ABCA4: variants seen among roughly 807,000 people sequenced by gnomAD.
ABCA4 encodes retinal-specific phospholipid-transporting ATPase ABCA4.
A neutral mutation model predicts 263.7 loss-of-function variants in ABCA4; 196 were observed. That is an observed-to-expected ratio of 0.74 (90% CI 0.66 to 0.84). ABCA4 has a LOEUF of 0.84. ABCA4 is among the 40% of genes least tolerant of loss of function. The pLI is 0.00. For missense variants in ABCA4, 2,792 were observed against 2,855.1 expected (o/e 0.98, Z 0.50); for synonymous variants, 1,133 against 1,094.2 (o/e 1.04, Z -0.70).
chr1:94,026,845 G>C (rs1660050855), intron 30 of ABCA4, among the ~76,000 whole-genome samples: 1 of 152,088 alleles, frequency 6.6e-6, no homozygotes, highest in Non-Finnish European at 1.5e-5. Flanking sequence ...CACGCCCTCT[G>C]GACTTATTCC....
At chr1:94,001,591 G>T (rs1296071407) in intron 45 of ABCA4, 1 of 632,806 alleles carries the variant, frequency 1.6e-6, no homozygotes, top group Admixed American at 2.1e-5. Flanking sequence ...GAACTTCCCG[G>T]CTGTGAGCCG....
chr1:94,028,843 G>C (rs567446564), intron 30 of ABCA4, among the ~76,000 whole-genome samples: 1 of 139,986 alleles, frequency 7.1e-6, no homozygotes, highest in African/African-American at 2.6e-5. Flanking sequence ...GGAGGCAGAG[G>C]TTGCAGTGAG....
rs147051178 is a variant in ABCA4 at position 94,060,575 on chromosome 1, T to C, written c.2122A>G (p.Met708Val). 63 of 1,614,042 alleles carry C rather than the reference T, an allele frequency of 3.9e-5. No individual in the cohort carries two copies. The highest frequency in any genetic ancestry group is 4.8e-5 in the Non-Finnish European group (57 of 1,180,038). ...GTCAGGAGGAAGATGCTCATCGACA[T>C]GATGGAGAAGCTGTCCAGGAACCAG... ...CTWFLDSFSI[M>V]SMSIFLLTIF... The change falls in exon 14 of 50, where the codon ATG (methionine) becomes GTG (valine). Residue 708 changes from methionine (M) to valine (V), a missense_variant. Coordinates refer to ENST00000370225, the MANE Select transcript of ABCA4 (RefSeq NM_000350.3).
intron 38 of ABCA4, among the ~76,000 whole-genome samples, chr1:94,012,512 G>A (rs929864774): frequency 2.0e-5 from 3 of 152,150 alleles, no homozygotes; most frequent in Admixed American, 1.3e-4. Flanking sequence ...GGCCCCTGGA[G>A]GGTGGGCACT....
Position 94,108,700 on chromosome 1 carries a change from G to A in ABCA4, c.319C>T (p.Arg107Ter), listed in dbSNP as rs765429911. Residue 107 changes from arginine to a stop codon, truncating the protein, a stop_gained, in exon 4 of 50, where the codon CGA becomes TGA. Coordinates refer to ENST00000370225, the MANE Select transcript of ABCA4 (RefSeq NM_000350.3). LOFTEE classifies it high-confidence loss of function. ...YNNSILARVY[R>*]DFQELLMNAP... ...TTCATGAGGAGTTCTTGAAAATCTC[G>A]ATATACCCTTGCCAAGCTGTAAGGA... 1.1e-5 allele frequency: 18 copies of A among 1,613,818 alleles called. No individual in the cohort carries two copies. Among genetic ancestry groups the A allele is most frequent in the Non-Finnish European group, 1.5e-5 (18 of 1,180,032 alleles).
chr1:94,017,238 C>CA (rs369707750), intron 36 of ABCA4, among the ~76,000 whole-genome samples: 33 of 152,300 alleles, frequency 2.2e-4, no homozygotes, highest in African/African-American at 6.5e-4. Flanking sequence ...TGAAGAAGCT[C>CA]AGCAGACACC....
intron 3 of ABCA4, among the ~76,000 whole-genome samples, chr1:94,110,218 A>G (rs765573258): frequency 6.6e-6 from 1 of 152,228 alleles, no homozygotes; most frequent in Non-Finnish European, 1.5e-5. Flanking sequence ...TTCCTCTTCT[A>G]TCATCTGGTA....
intron 5 of ABCA4, among the ~76,000 whole-genome samples, chr1:94,100,899 T>C (rs1375882197): frequency 6.6e-6 from 1 of 152,120 alleles, no homozygotes; most frequent in East Asian, 1.9e-4. Context: ...GCCCCGGAAC[T>C]GGATGGAGGT....
At chr1:94,037,496 G>C (rs1660372626) in intron 24 of ABCA4, 146 bp from the exon 25 acceptor site, 6 of 777,260 alleles carry the variant, frequency 7.7e-6, no homozygotes, top group Admixed American at 4.1e-5. Flanking sequence ...GAGGACTGAT[G>C]CTCCATCAAG....
intron 1 of ABCA4, among the ~76,000 whole-genome samples, chr1:94,117,107 C>T (rs962647801): frequency 6.6e-6 from 1 of 151,078 alleles, no homozygotes; most frequent in African/African-American, 2.4e-5. Flanking sequence ...ACCTCCCCTC[C>T]TCTCTTTACC....
chr1:94,084,755 C>T (rs1661788162), intron 6 of ABCA4, among the ~76,000 whole-genome samples: 1 of 152,124 alleles, frequency 6.6e-6, no homozygotes, highest in South Asian at 2.1e-4. Context: ...AGCACTGGAC[C>T]GAGGCATTTG....
At chr1:94,036,936 C>T in intron 25 of ABCA4, 148 bp from the exon 26 acceptor site, 1 of 959,108 alleles carries the variant, frequency 1.0e-6, no homozygotes, top group Non-Finnish European at 1.6e-6. Context: ...TCTATAAATA[C>T]AAAAACGTAA....
rs1289340082 is a variant in ABCA4 at position 94,031,139 on chromosome 1, G to A, written c.4129-19C>T. ...GCACGATCTGTGGGAGAATAGACGT[G>A]GAATAAACATGACTGTGGCATGGAG... On this transcript the variant is annotated intron_variant, in intron 27 of 49. Transcript: ENST00000370225. 2 of 1,613,576 alleles carry A rather than the reference G, an allele frequency of 1.2e-6. No individual in the cohort carries two copies. The highest frequency in any genetic ancestry group is 2.7e-5 in the African/African-American group (2 of 74,934).
rs144168341 is a variant in ABCA4, at chr1:93,997,835, C to G, written c.6729+26G>C. ...GTGTTCTGGACCAGTCTTTGCTCAG[C>G]TCTCGGTGCCCCAGGGCCAACTTGC... On this transcript the variant is annotated intron_variant, in intron 48 of 49. Coordinates refer to ENST00000370225, the MANE Select transcript of ABCA4 (RefSeq NM_000350.3). 7.6e-5 allele frequency: 122 copies of G among 1,613,768 alleles called. No individual in the cohort carries two copies. In the African/African-American group the frequency reaches 1.4e-3, roughly 19 times the overall value.
chr1:94,040,773 T>C (rs2101047863), intron 23 of ABCA4, among the ~76,000 whole-genome samples: 1 of 152,316 alleles, frequency 6.6e-6, no homozygotes, highest in South Asian at 2.1e-4. Flanking sequence ...TGCTGGTTGG[T>C]ACTTTTTGCC....
Position 94,072,968 on chromosome 1 carries a change from G to T in ABCA4, c.1554+4722C>A, listed in dbSNP as rs529136544. Among the ~76,000 whole-genome samples the T allele has an allele frequency of 9.2e-5, 14 of 151,884 alleles. No homozygotes were observed. The South Asian group carries it at 2.9e-3, about 32-fold the overall frequency. ...CACAGAAATGCCAGCATGGTGGTTA[G>T]GCCGCCCTCCTGGGAGGGGCCTGTA... On this transcript the variant is annotated intron_variant, in intron 11 of 49. Transcript: ENST00000370225.
At chr1:94,035,444 T>C (rs1045754409) in intron 26 of ABCA4, among the ~76,000 whole-genome samples, 1 of 152,162 alleles carries the variant, frequency 6.6e-6, no homozygotes, top group Non-Finnish European at 1.5e-5. Context: ...CACCATGCGA[T>C]GTACTGGGAT....
At chr1:94,038,777 T>A (rs929741750) in intron 24 of ABCA4, among the ~76,000 whole-genome samples, 1 of 152,122 alleles carries the variant, frequency 6.6e-6, no homozygotes, top group Non-Finnish European at 1.5e-5. Context: ...CAGCAGGGCT[T>A]TGGGCATCTG....
At chr1:94,069,453 G>C (rs1402185718) in intron 11 of ABCA4, among the ~76,000 whole-genome samples, 1 of 152,146 alleles carries the variant, frequency 6.6e-6, no homozygotes, top group African/African-American at 2.4e-5. Flanking sequence ...CGAGGGTAAG[G>C]GAGCCACTGC....
Sources: allele counts gnomAD v4.1 joint callset (sites outside exome capture counted in the v4.1 genomes callset), GRCh38; gene constraint gnomAD v4.1.1; transcripts MANE v1.5; gene names NCBI Gene and HGNC (gene_info 2026-07-23, HGNC 2026-07-21).